Variants in MAPRE2 observed in about 807,000 individuals in gnomAD.
MAPRE2 encodes microtubule associated protein RP/EB family member 2.
Under a neutral mutation model 43.2 loss-of-function variants are expected in MAPRE2, and 13 were observed. The observed-to-expected ratio is 0.30, with a 90% CI of 0.20 to 0.48. The LOEUF is 0.48. Among genes scored for constraint, MAPRE2 ranks in the 20% least tolerant of loss-of-function variants. MAPRE2 has a pLI of 0.99. For synonymous variants in MAPRE2, 135 were observed against 148.8 expected, an observed-to-expected ratio of 0.91 and a Z score of 0.68; for missense variants, 161 against 400.2, an observed-to-expected ratio of 0.40 and a Z score of 5.10.
rs182643485 is a variant in MAPRE2, at chr18:35,142,475, C to A, written c.*2106C>A. Reference sequence around the variant, plus strand: ...ACTGCTGTATAACTTGCATAAGCCTCCCTGGTGACTCTTGCAGGAACCACT... The same window carrying A: ...ACTGCTGTATAACTTGCATAAGCCTACCTGGTGACTCTTGCAGGAACCACT... On this transcript the variant is annotated 3_prime_UTR_variant, in exon 7 of 7. Transcript: ENST00000300249. The A allele has an allele frequency of 3.9e-5, 6 of 152,352 alleles. No homozygotes were observed. The East Asian group carries it at 1.2e-3, about 29-fold the overall frequency. 9.4% of individuals were successfully genotyped at this position (152,352 alleles called of 1,614,324 possible). A position where few individuals can be genotyped will look rare whatever the true frequency, so the allele number is the denominator to read the frequency against.
At chr18:35,122,235 T>C (rs1223965504) in intron 4 of MAPRE2, among the ~76,000 whole-genome samples, 3 of 152,232 alleles carry the variant, frequency 2.0e-5, no homozygotes, top group Non-Finnish European at 4.4e-5. Flanking sequence ...TTACTTCCGT[T>C]TCAAATTGCA....
At chr18:35,123,345 G>A (rs1053492823) in intron 4 of MAPRE2, among the ~76,000 whole-genome samples, 1 of 152,194 alleles carries the variant, frequency 6.6e-6, no homozygotes, top group African/African-American at 2.4e-5. Context: ...ACCAGAACAT[G>A]AGTGTGTCTG....
At chr18:35,054,520 T>C (rs1443114771) in intron 1 of MAPRE2, among the ~76,000 whole-genome samples, 1 of 152,188 alleles carries the variant, frequency 6.6e-6, no homozygotes, top group Non-Finnish European at 1.5e-5. Context: ...CAGATGATTC[T>C]CTCTGTTCTG....
At chr18:35,052,833 A>G (rs889024052) in intron 1 of MAPRE2, among the ~76,000 whole-genome samples, 5 of 152,314 alleles carry the variant, frequency 3.3e-5, no homozygotes, top group Middle Eastern at 3.4e-3. Context: ...TTTCATGTGC[A>G]TATTGGCCAT....
chr18:35,140,259 C>T (rs1910569989), intron 6 of MAPRE2, 36 bp from the exon 7 acceptor site: 1 of 1,591,470 alleles, frequency 6.3e-7, no homozygotes, highest in African/African-American at 1.3e-5. Flanking sequence ...CATTCCCAGT[C>T]AATTATCTCA....
intron 4 of MAPRE2, among the ~76,000 whole-genome samples, chr18:35,123,487 CAGTGAG>C (rs1909778254): frequency 6.6e-6 from 1 of 152,140 alleles, no homozygotes; most frequent in South Asian, 2.1e-4. Context: ...CAGGAGGGGC[CAGTGAG>C]CATGGCACAG....
intron 1 of MAPRE2, among the ~76,000 whole-genome samples, chr18:34,996,157 T>G (rs1266369697): frequency 6.6e-6 from 1 of 152,180 alleles, no homozygotes; most frequent in Non-Finnish European, 1.5e-5. Flanking sequence ...GCTGTCAATA[T>G]CATTGCCTTC....
At position 35,115,168 on chromosome 18, in the gene MAPRE2, G is replaced by T. The variant is rs542946431; in HGVS notation, c.611-11780G>T. On this transcript the variant is annotated intron_variant, in intron 4 of 6. Coordinates refer to ENST00000300249, the MANE Select transcript of MAPRE2 (RefSeq NM_014268.4). ...TCCCCCATTGCCTGGCCTGTAGAAG[G>T]TCCTCATATAATTATTGAGTTGATG... is the stretch of plus-strand genomic sequence containing the variant. Among the ~76,000 whole-genome samples the T allele has an allele frequency of 2.6e-5, 4 of 152,180 alleles. No individual in the cohort carries two copies. In the East Asian group the frequency reaches 5.8e-4, roughly 22 times the overall value.
At chr18:35,063,265 G>C (rs913739046) in intron 1 of MAPRE2, among the ~76,000 whole-genome samples, 5 of 151,972 alleles carry the variant, frequency 3.3e-5, no homozygotes, top group Non-Finnish European at 5.9e-5. Flanking sequence ...CACCACGCCT[G>C]GCTAATTTTT....
intron 2 of MAPRE2, among the ~76,000 whole-genome samples, chr18:35,076,597 A>G (rs1907367920): frequency 6.6e-6 from 1 of 152,170 alleles, no homozygotes; most frequent in African/African-American, 2.4e-5. Flanking sequence ...CCTTTGTCTT[A>G]TGACACAGGG....
intron 1 of MAPRE2, among the ~76,000 whole-genome samples, chr18:35,058,487 TATAAGCA>T (rs1331939407): frequency 6.6e-6 from 1 of 152,148 alleles, no homozygotes; most frequent in Non-Finnish European, 1.5e-5. Flanking sequence ...TTGAAAAAAT[TATAAGCA>T]GTATAATGTA....
intron 2 of MAPRE2, among the ~76,000 whole-genome samples, chr18:35,094,469 A>G (rs668747): frequency 0.34 from 51,585 of 151,998 alleles, 12,202 homozygotes; most frequent in African/African-American, 0.66. Context: ...GCAATTTAAA[A>G]TCTAGAAAGA....
intron 1 of MAPRE2, chr18:34,978,447 G>T (rs1347490631): frequency 7.1e-7 from 1 of 1,409,180 alleles, no homozygotes; most frequent in East Asian, 2.5e-5. Flanking sequence ...TTGCGATTGT[G>T]GTCAGACGCA....
At chr18:34,983,885 C>T (rs953355607) in intron 1 of MAPRE2, among the ~76,000 whole-genome samples, 7 of 152,140 alleles carry the variant, frequency 4.6e-5, no homozygotes, top group Non-Finnish European at 7.3e-5. Flanking sequence ...CCGCCTCAGC[C>T]CCCTTAAGTG....
chr18:35,055,903 C>T (rs963297951), intron 1 of MAPRE2, among the ~76,000 whole-genome samples: 11 of 149,536 alleles, frequency 7.4e-5, no homozygotes, highest in African/African-American at 9.9e-5. Context: ...TGCAGTGAGC[C>T]GAGATCATGC....
At chr18:35,048,282 A>G (rs567019508) in intron 1 of MAPRE2, among the ~76,000 whole-genome samples, 2 of 152,184 alleles carry the variant, frequency 1.3e-5, no homozygotes, top group South Asian at 4.1e-4. Context: ...GCTATGAGGG[A>G]CCCGACCCCA....
chr18:35,010,948 T>G (rs1165615805), intron 2 of MAPRE2, among the ~76,000 whole-genome samples: 1 of 152,204 alleles, frequency 6.6e-6, no homozygotes, highest in Non-Finnish European at 1.5e-5. Flanking sequence ...TATAAGATTT[T>G]TTTTACCCTT....
rs11339291 is a variant in MAPRE2, at chr18:34,998,323, CTTTTTTT to C, written c.-69-7154_-69-7148del. Among the ~76,000 whole-genome samples the C allele has an allele frequency of 2.9e-4, 35 of 120,734 alleles. 1 individual carries two copies. The highest frequency in any genetic ancestry group is 2.1e-3 in the Admixed American group (24 of 11,680). The allele number at this position is 120,734 out of a possible 152,430, so 79.2% of individuals were successfully genotyped here. A position where few individuals can be genotyped will look rare whatever the true frequency, so the allele number is the denominator to read the frequency against. ...TTCACTTACCAGCATTTTTCTCTCT[CTTTTTTT>C]TTTTTTTTTTTTTTGAGATGGAGTC... On this transcript the variant is annotated intron_variant, in intron 1 of 7. Coordinates refer to the MAPRE2 transcript ENST00000413393.
intron 1 of MAPRE2, among the ~76,000 whole-genome samples, chr18:35,054,941 G>A (rs539351512): frequency 2.6e-5 from 4 of 152,248 alleles, no homozygotes; most frequent in East Asian, 1.9e-4. Context: ...GGAAATGACC[G>A]AAGTCGAAGT....
Sources: allele counts gnomAD v4.1 joint callset (sites outside exome capture counted in the v4.1 genomes callset), GRCh38; gene constraint gnomAD v4.1.1; transcripts MANE v1.5; gene names NCBI Gene and HGNC (gene_info 2026-07-23, HGNC 2026-07-21).